The following SLC30A9 variants were observed in gnomAD, a reference collection of about 807,000 sequenced individuals.
SLC30A9 encodes proton-coupled zinc antiporter SLC30A9, mitochondrial.
Under a neutral mutation model 87.5 loss-of-function variants are expected in SLC30A9, and 58 were observed. That is an observed-to-expected ratio of 0.66 (90% CI 0.54 to 0.82). SLC30A9 has a LOEUF of 0.82. SLC30A9 is among the 40% of genes least tolerant of loss of function. SLC30A9 has a pLI of 0.00. For synonymous variants in SLC30A9, 234 were observed against 233.0 expected (o/e 1.00, Z -0.04); for missense variants, 557 against 679.1 (o/e 0.82, Z 2.00).
intron 8 of SLC30A9, among the ~76,000 whole-genome samples, chr4:42,043,126 C>T (rs548838981): frequency 4.4e-4 from 67 of 152,220 alleles, no homozygotes; most frequent in African/African-American, 1.5e-3. Context: ...GAGGAAAAAC[C>T]AGTGCAAAAA....
At chr4:42,022,082 C>A (rs62302128) in intron 4 of SLC30A9, among the ~76,000 whole-genome samples, 1 of 27,050 alleles carries the variant, frequency 3.7e-5, no homozygotes, top group Non-Finnish European at 2.8e-4. Context: ...ACTACAGGCG[C>A]CCGCCACCAC....
At chr4:42,076,961 C>CAAAAAAAAAAA (rs36152706) in intron 16 of SLC30A9, among the ~76,000 whole-genome samples, 1 of 29,660 alleles carries the variant, frequency 3.4e-5, no homozygotes, top group African/African-American at 7.6e-5. Flanking sequence ...GACTCCGTCT[C>CAAAAAAAAAAA]AAAAAAAAAA....
chr4:42,072,171 A>T (rs143845917), intron 15 of SLC30A9, among the ~76,000 whole-genome samples: 53 of 152,250 alleles, frequency 3.5e-4, no homozygotes, highest in African/African-American at 1.1e-3. Context: ...TTTCTTGGTC[A>T]GTGTAGCTAA....
chr4:42,039,170 T>C, intron 8 of SLC30A9, 117 bp downstream of exon 8: 1 of 758,570 alleles, frequency 1.3e-6, no homozygotes, highest in Non-Finnish European at 2.2e-6. Context: ...TTTATTTTGT[T>C]TTAGGAGGAA....
chr4:42,002,564 A>G (rs1341841534), intron 2 of SLC30A9, among the ~76,000 whole-genome samples: 1 of 151,982 alleles, frequency 6.6e-6, no homozygotes, highest in Non-Finnish European at 1.5e-5. Context: ...TGCTTAGGAT[A>G]ATGGCCTCTA....
chr4:41,997,434 AG>A, intron 1 of SLC30A9, among the ~76,000 whole-genome samples: 1 of 152,128 alleles, frequency 6.6e-6, no homozygotes, highest in Non-Finnish European at 1.5e-5. Context: ...ACACATTCTT[AG>A]GTTTTTTTTT....
At chr4:41,999,438 T>C (rs1714883262) in intron 1 of SLC30A9, among the ~76,000 whole-genome samples, 1 of 152,200 alleles carries the variant, frequency 6.6e-6, no homozygotes, top group African/African-American at 2.4e-5. Context: ...TGATCACAAA[T>C]AAATCAACCA....
intron 14 of SLC30A9, chr4:42,070,066 C>A (rs557836861): frequency 6.0e-4 from 91 of 152,874 alleles, no homozygotes; most frequent in African/African-American, 2.1e-3. Flanking sequence ...AGAAGAGAGT[C>A]ACCCATATTA....
intron 8 of SLC30A9, among the ~76,000 whole-genome samples, chr4:42,042,543 G>A (rs1316741009): frequency 6.6e-6 from 1 of 152,170 alleles, no homozygotes; most frequent in Non-Finnish European, 1.5e-5. Flanking sequence ...TCTGGGCAGG[G>A]CATCTCTGAA....
At chr4:42,014,785 A>G (rs1157172031) in intron 2 of SLC30A9, among the ~76,000 whole-genome samples, 1 of 152,178 alleles carries the variant, frequency 6.6e-6, no homozygotes, top group Non-Finnish European at 1.5e-5. Flanking sequence ...TTGTTACGTT[A>G]AGTGAAATAA....
At chr4:42,013,463 C>T (rs1270142370) in intron 2 of SLC30A9, among the ~76,000 whole-genome samples, 3 of 152,098 alleles carry the variant, frequency 2.0e-5, no homozygotes, top group African/African-American at 7.2e-5. Flanking sequence ...AATTATACTA[C>T]AGGGCTTTAA....
intron 8 of SLC30A9, among the ~76,000 whole-genome samples, chr4:42,047,296 C>G (rs1390718786): frequency 6.6e-6 from 1 of 152,134 alleles, no homozygotes; most frequent in Non-Finnish European, 1.5e-5. Context: ...AACAGGTAAT[C>G]TATAGAATGG....
At position 42,089,417 on chromosome 4, in the gene SLC30A9, GT is replaced by G. The variant is rs974667314; in HGVS notation, c.*3296del. The G allele has an allele frequency of 1.1e-4, 16 of 152,000 alleles. No homozygotes were observed. Among genetic ancestry groups the G allele is most frequent in the African/African-American group, 3.6e-4 (15 of 41,410 alleles). The allele number at this position is 152,000 out of a possible 1,614,324, so 9.4% of individuals were successfully genotyped here. On this transcript the variant is annotated 3_prime_UTR_variant, in exon 18 of 18. Transcript: ENST00000264451. ...GCAGTGGGAGGATGAGGGGTGGAGT[GT>G]TTTTGTTTTTTTTGTTTTTTTTTGA... is the stretch of plus-strand genomic sequence containing the variant.
At chr4:42,039,936 T>C (rs141550167) in intron 8 of SLC30A9, among the ~76,000 whole-genome samples, 196 of 152,246 alleles carry the variant, frequency 1.3e-3, no homozygotes, top group Admixed American at 0.01. Context: ...TATGAAAATA[T>C]AAAGATATAA....
At chr4:42,035,816 A>G (rs191588032) in intron 7 of SLC30A9, among the ~76,000 whole-genome samples, 9 of 152,282 alleles carry the variant, frequency 5.9e-5, no homozygotes, top group Admixed American at 5.9e-4. Context: ...ACATTTGTAC[A>G]TAAGTTTTCT....
In SLC30A9 at chr4:42,036,124, C is replaced by G. The variant is rs557540870; in HGVS notation, c.669+791C>G. Among the ~76,000 whole-genome samples, 14 of 152,274 alleles carry G rather than the reference C, an allele frequency of 9.2e-5. No homozygotes were observed. In the South Asian group the frequency reaches 2.9e-3, roughly 32 times the overall value. On this transcript the variant is annotated intron_variant, in intron 7 of 17. Coordinates refer to ENST00000264451, the MANE Select transcript of SLC30A9 (RefSeq NM_006345.4). The stretch of plus-strand genomic sequence containing the variant: ...TTATTTGACAGTCTTACTAAACTTC[C>G]AGAGTATGTTCACCTTCCCACTCTT...
At chr4:42,065,165 C>T in intron 11 of SLC30A9, 145 bp from the exon 12 acceptor site, 2 of 622,408 alleles carry the variant, frequency 3.2e-6, no homozygotes, top group South Asian at 3.3e-5. Flanking sequence ...TTGTCCTCCT[C>T]ATTTGAGTTG....
Position 42,046,583 on chromosome 4 carries a change from G to A in SLC30A9, c.738-2794G>A, listed in dbSNP as rs749232132. ...ACCACTGCTCAAGGAAATAAGAGAG[G>A]ACACAAAGAAATGGAAAAACATTCC... On this transcript the variant is annotated intron_variant, in intron 8 of 17. Coordinates refer to ENST00000264451, the MANE Select transcript of SLC30A9 (RefSeq NM_006345.4). Among the ~76,000 whole-genome samples, 25 of 152,046 alleles carry A rather than the reference G, an allele frequency of 1.6e-4. 1 individual carries two copies. Among genetic ancestry groups the A allele is most frequent in the Non-Finnish European group, 2.6e-4 (18 of 68,028 alleles).
chr4:42,065,377 A>G (rs1282931920), intron 12 of SLC30A9, 28 bp downstream of exon 12: 5 of 1,181,330 alleles, frequency 4.2e-6, no homozygotes, highest in Admixed American at 1.7e-5. Flanking sequence ...GTATGTCTCT[A>G]TTCTTAATTT....
Sources: allele counts gnomAD v4.1 joint callset (sites outside exome capture counted in the v4.1 genomes callset), GRCh38; gene constraint gnomAD v4.1.1; transcripts MANE v1.5; gene names NCBI Gene and HGNC (gene_info 2026-07-23, HGNC 2026-07-21).